RSRP1: variants seen among roughly 807,000 people sequenced by gnomAD.
The protein encoded by RSRP1 is arginine and serine rich protein 1.
A neutral mutation model predicts 33.0 loss-of-function variants in RSRP1; 37 were observed. The observed-to-expected ratio is 1.12, with a 90% CI of 0.86 to 1.48. The LOEUF (loss-of-function observed/expected upper bound fraction) is 1.48, where lower values mean the gene tolerates loss of function less well. RSRP1 is among the 40% of genes most tolerant of loss of function. RSRP1 has a pLI of 0.00. For synonymous variants in RSRP1, 167 were observed against 158.7 expected, an observed-to-expected ratio of 1.05 and a Z score of -0.40; for missense variants, 402 against 385.3, an observed-to-expected ratio of 1.04 and a Z score of -0.36.
chr1:25,296,838 A>G (rs987050145), intron 1 of RSRP1, among the ~76,000 whole-genome samples: 2 of 127,008 alleles, frequency 1.6e-5, no homozygotes, highest in African/African-American at 5.3e-5. Flanking sequence ...CTCCCCGGCC[A>G]TGCCAAACTG....
chr1:25,285,521 A>G (rs1279762390), intron 1 of RSRP1, among the ~76,000 whole-genome samples: 1 of 135,014 alleles, frequency 7.4e-6, no homozygotes, highest in African/African-American at 2.6e-5. Context: ...TCATTAAATT[A>G]CCTGTGCTTT....
In RSRP1 at chr1:25,310,328, TATAAG is replaced by T. The variant is rs1180383240; in HGVS notation, c.-67+27645_-67+27649del. 2.3e-5 allele frequency among the ~76,000 whole-genome samples: 3 copies of T among 132,762 alleles called. 1 individual carries two copies. Among genetic ancestry groups the T allele is most frequent in the Non-Finnish European group, 5.4e-5 (3 of 55,780 alleles). 87.1% of individuals were successfully genotyped at this position (132,762 alleles called of 152,430 possible). A position where few individuals can be genotyped will look rare whatever the true frequency, so the allele number is the denominator to read the frequency against. ...GTGAGGTATGATGGCACTGGTGACT[TATAAG>T]AAGAGAAAGAGAAATCTGAGCTGGC... On this transcript the variant is annotated intron_variant, in intron 1 of 1. Coordinates refer to the RSRP1 transcript ENST00000561867.
At chr1:25,276,979 A>G (rs1315952518) in intron 1 of RSRP1, among the ~76,000 whole-genome samples, 1 of 131,466 alleles carries the variant, frequency 7.6e-6, no homozygotes, top group South Asian at 2.3e-4. Flanking sequence ...AGGCAGGAGA[A>G]TGGCGTGAAC....
intron 4 of RSRP1, 24 bp from the exon 5 acceptor site, chr1:25,242,729 G>C (rs759529177): frequency 1.4e-6 from 2 of 1,472,162 alleles, no homozygotes; most frequent in Non-Finnish European, 1.9e-6. Flanking sequence ...AATTCAGTCA[G>C]CTTCCCAAAC....
Position 25,303,381 on chromosome 1 carries a change from G to C in RSRP1, c.-67+34597C>G, listed in dbSNP as rs753131952. ...TGGCTGTGGGTACCTCGTGTCACCTGATCCCTTCTCCGTGGCTTGCCATGG... is the reference window on the plus strand; with the variant it reads ...TGGCTGTGGGTACCTCGTGTCACCTCATCCCTTCTCCGTGGCTTGCCATGG... On this transcript the variant is annotated intron_variant, in intron 1 of 1. Coordinates refer to the RSRP1 transcript ENST00000561867. 9.7e-5 allele frequency: 134 copies of C among 1,378,286 alleles called. 41 individuals are homozygous for C. Among genetic ancestry groups the C allele is most frequent in the Non-Finnish European group, 1.4e-4 (134 of 978,306 alleles). The allele number at this position is 1,378,286 out of a possible 1,614,324, so 85.4% of individuals were successfully genotyped here.
chr1:25,332,569 C>G (rs1361770020), intron 1 of RSRP1, among the ~76,000 whole-genome samples: 1 of 131,436 alleles, frequency 7.6e-6, no homozygotes, highest in African/African-American at 2.6e-5. Flanking sequence ...TCCCACACTG[C>G]GAACCATATT....
rs532300898 is a variant in RSRP1 at position 25,299,864 on chromosome 1, A to C, written c.-67+38114T>G. On this transcript the variant is annotated intron_variant, in intron 1 of 1. Coordinates refer to the RSRP1 transcript ENST00000561867. ...TCCCAGGTTCCAGTGAATCTCCTGC[A>C]TCAGCCTCCCAGGTAGATAGGATTA... 5.0e-3 allele frequency among the ~76,000 whole-genome samples: 656 copies of C among 130,910 alleles called. 95 individuals carry two copies. Among genetic ancestry groups the C allele is most frequent in the African/African-American group, 0.016 (603 of 38,044 alleles). The allele number at this position is 130,910 out of a possible 152,430, so 85.9% of individuals were successfully genotyped here. A position where few individuals can be genotyped will look rare whatever the true frequency, so the allele number is the denominator to read the frequency against.
intron 1 of RSRP1, among the ~76,000 whole-genome samples, chr1:25,293,052 G>A (rs1332710361): frequency 1.6e-3 from 204 of 128,372 alleles, no homozygotes; most frequent in African/African-American, 5.4e-3. Flanking sequence ...ATTGGATTTG[G>A]CCAGGAGACC....
intron 1 of RSRP1, among the ~76,000 whole-genome samples, chr1:25,332,351 T>C (rs1395832680): frequency 2.3e-5 from 3 of 131,896 alleles, no homozygotes; most frequent in African/African-American, 7.8e-5. Flanking sequence ...ATGTGATTTC[T>C]TATTTCCCAC....
rs542281651 is a variant in RSRP1, at chr1:25,260,385, C to T, written c.-66-13356G>A. Among the ~76,000 whole-genome samples the T allele has an allele frequency of 4.2e-3, 637 of 152,252 alleles. 3 individuals are homozygous for T. The highest frequency in any genetic ancestry group is 7.0e-3 in the Non-Finnish European group (478 of 68,022). ...TTTTAAACTATAAGCACTATTTGCA[C>T]GAAAGAGAACCAATCTATCAATTAC... On this transcript the variant is annotated intron_variant, in intron 1 of 1. Coordinates refer to the RSRP1 transcript ENST00000561867.
Position 25,306,553 on chromosome 1 carries a change from G to A in RSRP1, c.-67+31425C>T, listed in dbSNP as rs1234182984. 27 of 1,369,274 alleles carry A rather than the reference G, an allele frequency of 2.0e-5. 7 individuals are homozygous for A. The highest frequency in any genetic ancestry group is 2.3e-5 in the Non-Finnish European group (22 of 971,916). 84.8% of individuals were successfully genotyped at this position (1,369,274 alleles called of 1,614,324 possible). ...TGTGAAAGGGGTGGGTAGGGAATAT[G>A]GGTCTCACCTGCCAATCTGCTTATA... On this transcript the variant is annotated intron_variant, in intron 1 of 1. Coordinates refer to the RSRP1 transcript ENST00000561867.
intron 1 of RSRP1, among the ~76,000 whole-genome samples, chr1:25,318,759 C>T (rs1475515535): frequency 7.5e-6 from 1 of 132,480 alleles, no homozygotes; most frequent in African/African-American, 2.6e-5. Context: ...GGGCATGTCA[C>T]TTTACTCCCT....
At chr1:25,244,957 G>A (rs754757551) in intron 3 of RSRP1, 193 bp downstream of exon 3, 151 of 1,448,626 alleles carry the variant, frequency 1.0e-4, no homozygotes, top group Non-Finnish European at 1.3e-4. Context: ...CACCATGCAC[G>A]GCCAAATAAA....
intron 1 of RSRP1, among the ~76,000 whole-genome samples, chr1:25,259,966 G>A (rs998287877): frequency 2.6e-5 from 4 of 151,796 alleles, no homozygotes; most frequent in African/African-American, 9.7e-5. Context: ...TCTTCTGAAG[G>A]CTGATACGAC....
intron 1 of RSRP1, among the ~76,000 whole-genome samples, chr1:25,299,066 T>G (rs1346939644): frequency 1.3e-5 from 1 of 76,762 alleles, no homozygotes; most frequent in Non-Finnish European, 2.8e-5. Flanking sequence ...TGTCAGCACA[T>G]GGTGATAAAA....
chr1:25,244,766 C>T, intron 3 of RSRP1: 1 of 1,046,802 alleles, frequency 9.6e-7, no homozygotes, highest in Non-Finnish European at 1.2e-6. Context: ...CTCACTGCAA[C>T]CTTAGCATCC....
At chr1:25,251,846 C>A (rs1639791735), upstream of RSRP1, among the ~76,000 whole-genome samples, 1 of 151,972 alleles carries the variant, frequency 6.6e-6, no homozygotes, top group Admixed American at 6.6e-5. Context: ...TAACGAGTGC[C>A]CTTCCACAGT....
intron 1 of RSRP1, among the ~76,000 whole-genome samples, chr1:25,263,087 C>G (rs1640208112): frequency 6.6e-6 from 1 of 152,112 alleles, no homozygotes; most frequent in Non-Finnish European, 1.5e-5. Flanking sequence ...AATATCTGAG[C>G]AGAGACTTGA....
intron 1 of RSRP1, among the ~76,000 whole-genome samples, chr1:25,256,608 C>A (rs916233533): frequency 2.6e-5 from 4 of 152,148 alleles, no homozygotes; most frequent in African/African-American, 9.7e-5. Context: ...CAGGCACACA[C>A]CACCACCATA....
Sources: allele counts gnomAD v4.1 joint callset (sites outside exome capture counted in the v4.1 genomes callset), GRCh38; gene constraint gnomAD v4.1.1; transcripts MANE v1.5; gene names NCBI Gene and HGNC (gene_info 2026-07-23, HGNC 2026-07-21).